ERBB4: variants seen among roughly 807,000 people sequenced by gnomAD.
ERBB4 encodes receptor tyrosine-protein kinase erbB-4.
Under a neutral mutation model 158.0 loss-of-function variants are expected in ERBB4, and 42 were observed. The observed-to-expected ratio is 0.27, with a 90% CI of 0.21 to 0.34. The LOEUF is 0.34. Among genes scored for constraint, ERBB4 ranks in the 10% least tolerant of loss-of-function variants. The pLI, the probability that ERBB4 is intolerant of heterozygous loss-of-function variation, is 1.00. For missense variants in ERBB4, 1,333 were observed against 1,624.1 expected (o/e 0.82, Z 3.08); for synonymous variants, 583 against 558.7 (o/e 1.04, Z -0.61).
intron 1 of ERBB4, among the ~76,000 whole-genome samples, chr2:212,388,193 T>G (rs1245747620): frequency 6.6e-6 from 1 of 152,086 alleles, no homozygotes; most frequent in Non-Finnish European, 1.5e-5. Context: ...TACAGAGAAT[T>G]TATTAAAATA....
chr2:211,653,464 G>GC (rs1299708765), intron 16 of ERBB4, among the ~76,000 whole-genome samples: 3 of 68,644 alleles, frequency 4.4e-5, no homozygotes, highest in Admixed American at 1.3e-4. Flanking sequence ...CTTCCCCCCC[G>GC]CCCCCCGCAC....
At chr2:212,335,829 T>A (rs2088413832) in intron 1 of ERBB4, among the ~76,000 whole-genome samples, 2 of 152,010 alleles carry the variant, frequency 1.3e-5, no homozygotes, top group Non-Finnish European at 2.9e-5. Context: ...CCTTTCCTAA[T>A]GTGTTCAGGA....
chr2:211,845,685 A>G (rs1014011687), intron 3 of ERBB4, among the ~76,000 whole-genome samples: 2 of 152,160 alleles, frequency 1.3e-5, no homozygotes, highest in East Asian at 1.9e-4. Context: ...GGTTTTAGAA[A>G]CAATTTTCTG....
chr2:211,602,638 G>A (rs1440663709), intron 19 of ERBB4, among the ~76,000 whole-genome samples: 1 of 152,052 alleles, frequency 6.6e-6, no homozygotes, highest in Non-Finnish European at 1.5e-5. Context: ...ACATAGTACA[G>A]TTACTCTTGC....
chr2:211,424,369 C>A, intron 22 of ERBB4, 68 bp from the exon 23 acceptor site: 1 of 1,132,756 alleles, frequency 8.8e-7, no homozygotes, highest in East Asian at 2.4e-5. Context: ...AGCACTATAC[C>A]AGTAGTAAAA....
intron 2 of ERBB4, among the ~76,000 whole-genome samples, chr2:211,973,180 C>G (rs1374465457): frequency 6.6e-6 from 1 of 150,978 alleles, no homozygotes; most frequent in Admixed American, 6.7e-5. Flanking sequence ...AAAAAGCTAA[C>G]CATCACTAAT....
intron 2 of ERBB4, among the ~76,000 whole-genome samples, chr2:212,083,302 A>G (rs2078499997): frequency 6.6e-6 from 1 of 151,980 alleles, no homozygotes. Context: ...TGGCTTGAAG[A>G]TGATTATTCT....
intron 2 of ERBB4, among the ~76,000 whole-genome samples, chr2:212,063,316 T>G (rs2077837307): frequency 6.6e-6 from 1 of 152,102 alleles, no homozygotes; most frequent in African/African-American, 2.4e-5. Flanking sequence ...GGTCCTTGAA[T>G]TTCAAAAATG....
rs1431773125 is a variant in ERBB4, at chr2:212,299,280, T to G, written c.83-174377A>C. Among the ~76,000 whole-genome samples the G allele has an allele frequency of 2.0e-5, 3 of 151,688 alleles. No homozygotes were observed. The East Asian group carries it at 5.8e-4, about 30-fold the overall frequency. ...ACACCAATTACTTTTGCCATACATT[T>G]TGGAATCATTATGGTTCATTAAATC... On this transcript the variant is annotated intron_variant, in intron 1 of 27. Coordinates refer to ENST00000342788, the MANE Select transcript of ERBB4 (RefSeq NM_005235.3).
intron 15 of ERBB4, chr2:211,658,045 T>A: frequency 1.5e-6 from 2 of 1,324,926 alleles, no homozygotes; most frequent in Non-Finnish European, 2.1e-6. Context: ...ATTAGTCATT[T>A]AAAAAATCAG....
chr2:211,605,502 A>T (rs35426402), intron 19 of ERBB4, among the ~76,000 whole-genome samples: 23,486 of 152,070 alleles, frequency 0.15, 2,487 homozygotes, highest in Non-Finnish European at 0.23. Flanking sequence ...AAGTCTTGGT[A>T]TATGTCCTGG....
chr2:212,346,058 A>G (rs1218560663), intron 1 of ERBB4, among the ~76,000 whole-genome samples: 1 of 152,176 alleles, frequency 6.6e-6, no homozygotes, highest in Non-Finnish European at 1.5e-5. Context: ...ATAATCAGTA[A>G]GCTTTTTGCT....
chr2:212,437,586 ACTAAAAG>A (rs2092166059), intron 1 of ERBB4, among the ~76,000 whole-genome samples: 1 of 151,638 alleles, frequency 6.6e-6, no homozygotes, highest in African/African-American at 2.4e-5. Flanking sequence ...TCCCCTTCCC[ACTAAAAG>A]CTCTTAAGTA....
chr2:212,020,515 T>C (rs2076625431), intron 2 of ERBB4, among the ~76,000 whole-genome samples: 1 of 152,132 alleles, frequency 6.6e-6, no homozygotes, highest in South Asian at 2.1e-4. Flanking sequence ...GGTTAACTTA[T>C]ATATCTATTG....
rs142990051 is a variant in ERBB4, at chr2:211,959,061, C to G, written c.235-11445G>C. Among the ~76,000 whole-genome samples the G allele has an allele frequency of 4.9e-4, 74 of 152,160 alleles. 1 individual carries two copies. In the East Asian group the frequency reaches 0.013, roughly 27 times the overall value. Reference sequence around the variant, plus strand: ...AATGTATTTTTAAATTTGCACTTGACTTTTCTTCCTCAAAAAAGTCTTTAA... The same window carrying G: ...AATGTATTTTTAAATTTGCACTTGAGTTTTCTTCCTCAAAAAAGTCTTTAA... On this transcript the variant is annotated intron_variant, in intron 2 of 27. Coordinates refer to ENST00000342788, the MANE Select transcript of ERBB4 (RefSeq NM_005235.3).
At chr2:211,543,586 CA>C (rs1280550426) in intron 20 of ERBB4, among the ~76,000 whole-genome samples, 1 of 151,768 alleles carries the variant, frequency 6.6e-6, no homozygotes, top group Non-Finnish European at 1.5e-5. Flanking sequence ...ACTTTTGTGG[CA>C]TTTTTTTTAA....
chr2:212,006,725 G>C (rs1266380898), intron 2 of ERBB4, among the ~76,000 whole-genome samples: 1 of 151,940 alleles, frequency 6.6e-6, no homozygotes, highest in Non-Finnish European at 1.5e-5. Flanking sequence ...AATTTCTATA[G>C]ATTGTCTGGC....
chr2:211,531,506 A>G (rs1394158656), intron 20 of ERBB4, among the ~76,000 whole-genome samples: 1 of 152,176 alleles, frequency 6.6e-6, no homozygotes, highest in Non-Finnish European at 1.5e-5. Context: ...ATAGATCTGA[A>G]CAGACATTTC....
chr2:211,678,489 T>A (rs1462977362), intron 13 of ERBB4, among the ~76,000 whole-genome samples: 1 of 152,220 alleles, frequency 6.6e-6, no homozygotes, highest in African/African-American at 2.4e-5. Flanking sequence ...TAAATTGCTA[T>A]AATAAGAATT....
Sources: allele counts gnomAD v4.1 joint callset (sites outside exome capture counted in the v4.1 genomes callset), GRCh38; gene constraint gnomAD v4.1.1; transcripts MANE v1.5; gene names NCBI Gene and HGNC (gene_info 2026-07-23, HGNC 2026-07-21).